The following MFHAS1 variants were observed in gnomAD, a reference collection of about 807,000 sequenced individuals.
MFHAS1 encodes the protein malignant fibrous histiocytoma-amplified sequence 1.
In MFHAS1, 50 loss-of-function variants were observed where a neutral mutation model predicts 70.4. The ratio of observed to expected loss-of-function variants is 0.71; its 90% confidence interval spans 0.57 to 0.90. The LOEUF (loss-of-function observed/expected upper bound fraction) is 0.90. MFHAS1 is among the 40% of genes least tolerant of loss of function. MFHAS1 has a pLI of 0.00. For synonymous variants in MFHAS1, 952 were observed against 620.0 expected (o/e 1.54, Z -7.96); for missense variants, 1,795 against 1,347.6 (o/e 1.33, Z -5.20).
chr8:8,839,025 A>G (rs1211303734), intron 1 of MFHAS1, among the ~76,000 whole-genome samples: 2 of 152,188 alleles, frequency 1.3e-5, no homozygotes, highest in African/African-American at 4.8e-5. Flanking sequence ...CTACTCAGAA[A>G]GACAAATGCT....
rs1437763402 is a variant in MFHAS1, at chr8:8,892,700, T to C, written c.359A>G (p.His120Arg). ...CGCGCCCAGGGCGGTCAGCCGGTTG[T>C]GGCTCACGTCCAGCTCGGTGAGGTG... ...GHHLTELDVS[H>R]NRLTALGAEV... The change falls in exon 1 of 3, where the codon CAC becomes CGC. Residue 120 changes from histidine (H) to arginine (R), a missense_variant. Coordinates refer to ENST00000276282, the MANE Select transcript of MFHAS1 (RefSeq NM_004225.3). This position sits in a 1 kb window ranked among gnomAD's most constrained non-coding sequence, Gnocchi z 4.7. 3 of 1,475,616 alleles carry C rather than the reference T, an allele frequency of 2.0e-6. No homozygotes were observed. Among genetic ancestry groups the C allele is most frequent in the Non-Finnish European group, 2.7e-6 (3 of 1,099,960 alleles). The allele number at this position is 1,475,616 out of a possible 1,614,324, so 91.4% of individuals were successfully genotyped here.
At chr8:8,853,638 C>T (rs1193428070) in intron 1 of MFHAS1, among the ~76,000 whole-genome samples, 1 of 152,202 alleles carries the variant, frequency 6.6e-6, no homozygotes, top group East Asian at 1.9e-4. Context: ...GCAATCTCAG[C>T]TCACTGCAAA....
At chr8:8,824,386 A>C (rs1266985117) in intron 1 of MFHAS1, among the ~76,000 whole-genome samples, 1 of 152,076 alleles carries the variant, frequency 6.6e-6, no homozygotes, top group Non-Finnish European at 1.5e-5. Context: ...ACCAGCCCTC[A>C]TTTAGCCTCA....
chr8:8,826,231 G>A (rs770681728), intron 1 of MFHAS1, among the ~76,000 whole-genome samples: 53 of 143,812 alleles, frequency 3.7e-4, no homozygotes, highest in Non-Finnish European at 5.0e-4. Flanking sequence ...CAGAAATACT[G>A]CATGCAAACA....
chr8:8,808,216 G>A (rs531805515), intron 1 of MFHAS1, among the ~76,000 whole-genome samples: 1 of 144,662 alleles, frequency 6.9e-6, no homozygotes, highest in Non-Finnish European at 1.5e-5. Flanking sequence ...CACTGTAGAC[G>A]CTCCCCTGGG....
rs756060870 is a variant in MFHAS1 at position 8,892,258 on chromosome 8, G to A, written c.801C>T (p.Ala267=). The A allele has an allele frequency of 2.5e-6, 4 of 1,612,090 alleles. No homozygotes were observed. The Admixed American group carries it at 6.7e-5, about 27-fold the overall frequency. Residue 267 remains alanine, a synonymous_variant, in exon 1 of 3, where the codon GCC becomes GCT. Coordinates refer to ENST00000276282, the MANE Select transcript of MFHAS1 (RefSeq NM_004225.3). The surrounding 1 kb of genome is among the most constrained non-coding windows in gnomAD (Gnocchi z 4.7). The stretch of plus-strand genomic sequence containing the variant: ...TGAGCCGCTGCAGGCAGCTGAACTG[G>A]GCGGGCAGAGCCTGCAGCCCGTTGT... ...LDNNGLQALP[A]QFSCLQRLKM... is the part of the protein sequence containing the mutation.
At chr8:8,832,968 C>G (rs1807461378) in intron 1 of MFHAS1, among the ~76,000 whole-genome samples, 1 of 152,138 alleles carries the variant, frequency 6.6e-6, no homozygotes, top group Non-Finnish European at 1.5e-5. Flanking sequence ...CACAGTTCTG[C>G]AGGCTGTACA....
rs74558753 is a variant in MFHAS1 at position 8,873,180 on chromosome 8, T to C, written c.2998+16881A>G. The stretch of plus-strand genomic sequence containing the variant: ...TCTTCCACATGCAATTCATAAGCAA[T>C]AGCCCTCCGGAATCAAAGTCACCTC... On this transcript the variant is annotated intron_variant, in intron 1 of 2. Coordinates refer to ENST00000276282, the MANE Select transcript of MFHAS1 (RefSeq NM_004225.3). Among the ~76,000 whole-genome samples the C allele has an allele frequency of 7.0e-3, 1,065 of 152,338 alleles. 18 individuals carry two copies. Among genetic ancestry groups the C allele is most frequent in the African/African-American group, 0.025 (1,027 of 41,572 alleles).
At chr8:8,832,048 ACGCG>A (rs111233259) in intron 1 of MFHAS1, among the ~76,000 whole-genome samples, 34,722 of 116,004 alleles carry the variant, frequency 0.3, 4,439 homozygotes, top group Non-Finnish European at 0.37. Flanking sequence ...GCGCACATGC[ACGCG>A]CGCGCGCGCG....
At chr8:8,883,560 T>C (rs1809613385) in intron 1 of MFHAS1, among the ~76,000 whole-genome samples, 1 of 151,548 alleles carries the variant, frequency 6.6e-6, no homozygotes, top group Non-Finnish European at 1.5e-5. Context: ...TTACAAAAAT[T>C]AGCTGGGCGT....
At chr8:8,849,994 G>T (rs1462270804) in intron 1 of MFHAS1, among the ~76,000 whole-genome samples, 1 of 152,256 alleles carries the variant, frequency 6.6e-6, no homozygotes, top group Admixed American at 6.5e-5. Context: ...GGAATTTAAT[G>T]AAGCCTCAGA....
At chr8:8,883,132 G>A (rs1392965452) in intron 1 of MFHAS1, among the ~76,000 whole-genome samples, 6 of 151,506 alleles carry the variant, frequency 4.0e-5, no homozygotes, top group South Asian at 2.1e-4. Flanking sequence ...CAGCCTGGGC[G>A]CCAGAGCAAG....
chr8:8,793,187 A>G (rs1302475185), intron 2 of MFHAS1, among the ~76,000 whole-genome samples: 1 of 151,520 alleles, frequency 6.6e-6, no homozygotes, highest in Non-Finnish European at 1.5e-5. Context: ...AAAAAAAAAA[A>G]TATCACTACC....
chr8:8,880,837 A>G lies in MFHAS1; in HGVS notation c.2998+9224T>C, dbSNP rs528359745. Among the ~76,000 whole-genome samples the G allele has an allele frequency of 3.9e-5, 6 of 152,046 alleles. No individual in the cohort carries two copies. In the South Asian group the frequency reaches 1.2e-3, roughly 32 times the overall value. On this transcript the variant is annotated intron_variant, in intron 1 of 2. Coordinates refer to ENST00000276282, the MANE Select transcript of MFHAS1 (RefSeq NM_004225.3). ...GTAGCTGGGATTACAGGCACACACC[A>G]CCACACCTGGCTAATTTTTGTATTT...
Position 8,891,240 on chromosome 8 carries a change from T to C in MFHAS1, c.1819A>G (p.Lys607Glu), listed in dbSNP as rs1298930316. The C allele has an allele frequency of 6.2e-7, 1 of 1,612,210 alleles. No individual in the cohort carries two copies. The highest frequency in any genetic ancestry group is 8.5e-7 in the Non-Finnish European group (1 of 1,180,002). Residue 607 changes from lysine to glutamate, a missense_variant, in exon 1 of 3, where the codon AAG (lysine) becomes GAG (glutamate). By Grantham distance (56) the Lys-to-Glu change is moderately conservative. Transcript: ENST00000276282. This position sits in a 1 kb window ranked among gnomAD's most constrained non-coding sequence, Gnocchi z 5.4. ...TTGAGCAGGTATTGAAAATGGGCCT[T>C]GCGCCGTCGAAGGTTCTTGTCCGAA... ...GVSDKNLRRRKAHFQYLLNHR... is the reference protein window; with the variant it reads ...GVSDKNLRRREAHFQYLLNHR...
At chr8:8,852,790 T>A (rs979432944) in intron 1 of MFHAS1, among the ~76,000 whole-genome samples, 1 of 152,222 alleles carries the variant, frequency 6.6e-6, no homozygotes, top group Non-Finnish European at 1.5e-5. Flanking sequence ...AGCTCTAGCT[T>A]GGCTGACATC....
chr8:8,787,481 A>G (rs1805593210), intron 2 of MFHAS1, among the ~76,000 whole-genome samples: 1 of 152,212 alleles, frequency 6.6e-6, no homozygotes, highest in African/African-American at 2.4e-5. Context: ...CACTAGGGTG[A>G]TCTGACTCCA....
chr8:8,791,923 A>G (rs1805731538), intron 2 of MFHAS1, among the ~76,000 whole-genome samples: 1 of 152,206 alleles, frequency 6.6e-6, no homozygotes, highest in Non-Finnish European at 1.5e-5. Context: ...TGCCAAGGAT[A>G]ACGTGTTTAT....
At chr8:8,871,659 T>TTATTTTTACC (rs1356653618) in intron 1 of MFHAS1, among the ~76,000 whole-genome samples, 2 of 152,194 alleles carry the variant, frequency 1.3e-5, no homozygotes, top group Non-Finnish European at 2.9e-5. Flanking sequence ...ACTGTTAGAA[T>TTATTTTTACC]TATTTTTACC....
Sources: gnomAD v4.1 joint callset for allele counts (sites outside exome capture counted in the v4.1 genomes callset) on GRCh38, gnomAD v4.1.1 for gene constraint, Gnocchi (gnomAD v3.1) non-coding constraint, MANE v1.5 for transcripts, NCBI Gene and HGNC (gene_info 2026-07-23, HGNC 2026-07-21) for gene names.